VPS13A: variants seen among roughly 807,000 people sequenced by gnomAD.
VPS13A encodes the protein intermembrane lipid transfer protein VPS13A.
Under a neutral mutation model 390.9 loss-of-function variants are expected in VPS13A, and 264 were observed. That is an observed-to-expected ratio of 0.68 (90% CI 0.61 to 0.75). VPS13A has a LOEUF of 0.75. Among genes scored for constraint, VPS13A ranks in the 30% least tolerant of loss-of-function variants. The pLI is 0.00. For missense variants in VPS13A, 3,409 were observed against 3,733.9 expected, an observed-to-expected ratio of 0.91 and a Z score of 2.27; for synonymous variants, 1,231 against 1,227.1, an observed-to-expected ratio of 1.00 and a Z score of -0.07.
rs770872648 is a variant in VPS13A, at chr9:77,280,142, T to TA, written c.2825-11dup. On this transcript the variant is annotated splice_polypyrimidine_tract_variant and intron_variant, in intron 26 of 71. Coordinates refer to ENST00000360280, the MANE Select transcript of VPS13A (RefSeq NM_033305.3). Reference sequence around the variant, plus strand: ...ACCTTTCCGATGAAAAGATAATTTTTAAAAAATTATTTTTAGATGAAAACA... The same window carrying TA: ...ACCTTTCCGATGAAAAGATAATTTTTAAAAAAATTATTTTTAGATGAAAACA... 1.3e-6 allele frequency: 2 copies of TA among 1,574,798 alleles called. No individual in the cohort carries two copies. Among genetic ancestry groups the TA allele is most frequent in the Middle Eastern group, 2.0e-4 (1 of 5,042 alleles).
At chr9:77,185,197 G>A (rs1267277826) in intron 1 of VPS13A, among the ~76,000 whole-genome samples, 5 of 151,406 alleles carry the variant, frequency 3.3e-5, no homozygotes, top group South Asian at 4.2e-4. Flanking sequence ...GCTGGAGTGC[G>A]GTGGCGCAAT....
chr9:77,200,533 T>G (rs1825269280), intron 2 of VPS13A, among the ~76,000 whole-genome samples: 1 of 152,010 alleles, frequency 6.6e-6, no homozygotes, highest in Non-Finnish European at 1.5e-5. Flanking sequence ...ATACAGATGT[T>G]TTTATTTCAA....
rs541592001 is a variant in VPS13A, at chr9:77,271,756, ACTTG to A, written c.2428-1523_2428-1520del. ...GCAATTCATTTAAGAACTTAACAAA[ACTTG>A]TATTCTAAAACCTAACAACTACATT... is the stretch of plus-strand genomic sequence containing the variant. On this transcript the variant is annotated intron_variant, in intron 23 of 71. Coordinates refer to ENST00000360280, the MANE Select transcript of VPS13A (RefSeq NM_033305.3). 3.6e-4 allele frequency among the ~76,000 whole-genome samples: 55 copies of A among 152,310 alleles called. 1 individual carries two copies. The East Asian group carries it at 9.4e-3, about 26-fold the overall frequency.
chr9:77,341,179 A>AG (rs1313518011), intron 50 of VPS13A, among the ~76,000 whole-genome samples: 1 of 152,094 alleles, frequency 6.6e-6, no homozygotes, highest in Non-Finnish European at 1.5e-5. Context: ...CTGGTTTTGA[A>AG]GGTAAATACC....
At chr9:77,278,048 G>T (rs1157054203) in intron 26 of VPS13A, among the ~76,000 whole-genome samples, 4 of 151,734 alleles carry the variant, frequency 2.6e-5, no homozygotes, top group African/African-American at 9.7e-5. Context: ...CAGTTACTAA[G>T]TTTTTTTTAT....
intron 1 of VPS13A, among the ~76,000 whole-genome samples, chr9:77,179,622 T>G (rs1305563061): frequency 6.6e-6 from 1 of 152,184 alleles, no homozygotes; most frequent in Non-Finnish European, 1.5e-5. Flanking sequence ...TACGGGTGTT[T>G]GTGTGAACAT....
intron 10 of VPS13A, among the ~76,000 whole-genome samples, chr9:77,215,643 G>A (rs1822820782): frequency 6.6e-6 from 1 of 152,192 alleles, no homozygotes; most frequent in African/African-American, 2.4e-5. Context: ...TCATAAAAAT[G>A]CTAAAGATAT....
chr9:77,327,118 T>G (rs889168317), intron 45 of VPS13A, among the ~76,000 whole-genome samples: 1 of 152,170 alleles, frequency 6.6e-6, no homozygotes, highest in African/African-American at 2.4e-5. Context: ...TTATGTAGTT[T>G]TTTTGTTTTT....
intron 17 of VPS13A, among the ~76,000 whole-genome samples, chr9:77,230,073 CT>C (rs1282084230): frequency 6.6e-6 from 1 of 151,816 alleles, no homozygotes; most frequent in African/African-American, 2.4e-5. Flanking sequence ...TGCATATCTT[CT>C]TTGGAGAAAT....
At chr9:77,290,597 A>C (rs1312990259) in intron 31 of VPS13A, among the ~76,000 whole-genome samples, 1 of 151,520 alleles carries the variant, frequency 6.6e-6, no homozygotes, top group Non-Finnish European at 1.5e-5. Context: ...ATAGTCCCAC[A>C]GCCTTTGGAT....
chr9:77,285,632 T>G (rs11145370), intron 31 of VPS13A, among the ~76,000 whole-genome samples: 2 of 152,230 alleles, frequency 1.3e-5, no homozygotes, highest in Non-Finnish European at 2.9e-5. Context: ...CAACACTTGC[T>G]TCATGAAATG....
intron 17 of VPS13A, among the ~76,000 whole-genome samples, chr9:77,228,501 A>G (rs1823647588): frequency 6.6e-6 from 1 of 152,186 alleles, no homozygotes; most frequent in Non-Finnish European, 1.5e-5. Context: ...CAACTACACT[A>G]CACAAAAAGA....
chr9:77,398,003 C>T (rs1442805062), intron 68 of VPS13A, among the ~76,000 whole-genome samples: 18 of 152,124 alleles, frequency 1.2e-4, no homozygotes, highest in Admixed American at 1.2e-3. Context: ...AAATCTTGGT[C>T]TTTATGTAAA....
In VPS13A at chr9:77,316,212, A is replaced by G; in HGVS notation, c.4669A>G (p.Ile1557Val). The change falls in exon 39 of 72, where the codon ATT (isoleucine) becomes GTT (valine). Residue 1557 changes from isoleucine to valine, a missense_variant. This residue lies in a region of VPS13A where 2,717 missense variants were observed against 2,917.4 expected (regional missense o/e 0.93). Coordinates refer to ENST00000360280, the MANE Select transcript of VPS13A (RefSeq NM_033305.3). ...ATCAGTGAAGTGGGAAATTAATGTT[A>G]TTATTAAAAATCCTGAAATTGTGTT... ...QESVKWEINVIIKNPEIVFVA... is the reference protein window; with the variant it reads ...QESVKWEINVVIKNPEIVFVA... 1.2e-6 allele frequency: 2 copies of G among 1,612,728 alleles called. No individual in the cohort carries two copies. The highest frequency in any genetic ancestry group is 2.2e-5 in the South Asian group (2 of 90,970).
At chr9:77,245,374 T>C (rs894046184) in intron 19 of VPS13A, among the ~76,000 whole-genome samples, 3 of 152,234 alleles carry the variant, frequency 2.0e-5, no homozygotes, top group African/African-American at 7.2e-5. Flanking sequence ...TGGAGAATCT[T>C]GAATGTCAGA....
At chr9:77,193,625 C>T (rs1421876753) in intron 1 of VPS13A, among the ~76,000 whole-genome samples, 1 of 152,124 alleles carries the variant, frequency 6.6e-6, no homozygotes, top group Admixed American at 6.5e-5. Context: ...CAGGGCAAAA[C>T]TCTCTCTTCA....
chr9:77,387,475 GGAGT>G (rs1833737963), intron 68 of VPS13A, among the ~76,000 whole-genome samples: 1 of 152,192 alleles, frequency 6.6e-6, no homozygotes. Context: ...CTTCCCTGAA[GGAGT>G]GATTACCTGG....
At chr9:77,204,083 A>G (rs1420083537) in intron 3 of VPS13A, among the ~76,000 whole-genome samples, 2 of 152,194 alleles carry the variant, frequency 1.3e-5, no homozygotes, top group South Asian at 2.1e-4. Context: ...ATATTATATG[A>G]TGAAATCTTT....
chr9:77,250,276 T>G (rs1292141403), intron 21 of VPS13A, 47 bp downstream of exon 21: 1 of 1,603,780 alleles, frequency 6.2e-7, no homozygotes, highest in South Asian at 1.1e-5. Flanking sequence ...TTGAAGTGAT[T>G]AATTAGGTTT....
Sources: allele counts gnomAD v4.1 joint callset (sites outside exome capture counted in the v4.1 genomes callset), GRCh38; gene constraint gnomAD v4.1.1; regional missense constraint gnomAD v4.1.1; transcripts MANE v1.5; gene names NCBI Gene and HGNC (gene_info 2026-07-23, HGNC 2026-07-21).